Variants in EPCIP observed in about 807,000 individuals in gnomAD.
EPCIP encodes the protein exosomal polycystin 1 interacting protein.
chr21:32,809,285 TTTC>T, the EPCIP span, among the ~76,000 whole-genome samples: 1 of 102,386 alleles, frequency 9.8e-6, no homozygotes, highest in Non-Finnish European at 2.0e-5. Flanking sequence ...CCTTCCTTTC[TTTC>T]TTTCTTTCTT....
the EPCIP span, among the ~76,000 whole-genome samples, chr21:32,805,999 G>A: frequency 2.0e-5 from 3 of 152,238 alleles, no homozygotes; most frequent in Non-Finnish European, 2.9e-5. Context: ...GAAGGAGAGC[G>A]AAGACGATAT....
chr21:32,797,950 A>G, the EPCIP span: 2 of 152,140 alleles, frequency 1.3e-5, no homozygotes, highest in African/African-American at 2.4e-5. Context: ...CCTTCTGGGG[A>G]CAAGATGGTC....
At chr21:32,812,566 GA>G in the EPCIP span, among the ~76,000 whole-genome samples, 2 of 150,694 alleles carry the variant, frequency 1.3e-5, no homozygotes, top group Non-Finnish European at 3.0e-5. Context: ...ATTTCTGTCA[GA>G]AAAAAAAGTA....
chr21:32,797,057 G>A, the EPCIP span: 16 of 468,996 alleles, frequency 3.4e-5, no homozygotes, highest in Non-Finnish European at 4.9e-5. Context: ...GCAACTTCCC[G>A]ACAGTAAGGC....
chr21:32,810,421 ATTTT>A, the EPCIP span, among the ~76,000 whole-genome samples: 2 of 122,610 alleles, frequency 1.6e-5, no homozygotes, highest in Admixed American at 1.6e-4. Flanking sequence ...ATGCCCGGTA[ATTTT>A]TTTTTTTTTT....
chr21:32,803,024 G>A, the EPCIP span, among the ~76,000 whole-genome samples: 2 of 152,190 alleles, frequency 1.3e-5, no homozygotes, highest in African/African-American at 4.8e-5. Context: ...TCAGAGTTAG[G>A]AGCCTCTGGG....
the EPCIP span, among the ~76,000 whole-genome samples, chr21:32,809,146 A>G: frequency 6.7e-6 from 1 of 149,660 alleles, no homozygotes; most frequent in Non-Finnish European, 1.5e-5. Context: ...AAGGAGAGGC[A>G]TCACGGCATG....
chr21:32,791,776 C>A, the EPCIP span, among the ~76,000 whole-genome samples: 1 of 151,908 alleles, frequency 6.6e-6, no homozygotes, highest in African/African-American at 2.4e-5. Flanking sequence ...AAGTCATCAA[C>A]CCCAGGATAT....
At chr21:32,812,263 T>G in the EPCIP span, among the ~76,000 whole-genome samples, 1 of 152,178 alleles carries the variant, frequency 6.6e-6, no homozygotes, top group Non-Finnish European at 1.5e-5. Flanking sequence ...GACACTCAGT[T>G]AATTGCATCA....
chr21:32,807,036 C>T, the EPCIP span, among the ~76,000 whole-genome samples: 41 of 152,272 alleles, frequency 2.7e-4, no homozygotes, highest in African/African-American at 9.6e-4. Context: ...TTATTCACTA[C>T]CACAAGAACG....
the EPCIP span, among the ~76,000 whole-genome samples, chr21:32,807,334 C>CTTTTTTTTTTTTT: frequency 7.7e-6 from 1 of 130,002 alleles, no homozygotes. Flanking sequence ...CCTCTTATGC[C>CTTTTTTTTTTTTT]TTTTTTTTTT....
At chr21:32,809,287 T>C in the EPCIP span, among the ~76,000 whole-genome samples, 3,150 of 111,984 alleles carry the variant, frequency 0.028, 162 homozygotes, top group East Asian at 0.054. Context: ...TTCCTTTCTT[T>C]CTTTCTTTCT....
chr21:32,797,888 T>C, the EPCIP span: 3 of 152,250 alleles, frequency 2.0e-5, no homozygotes, highest in Non-Finnish European at 2.9e-5. Context: ...TGTCTGTCCG[T>C]TCTTCATTTA....
chr21:32,809,316 C>CTTTCTTTCTTTCTTTCTT, the EPCIP span, among the ~76,000 whole-genome samples: 1 of 134,060 alleles, frequency 7.5e-6, no homozygotes. Flanking sequence ...TTCTTTCTTT[C>CTTTCTTTCTTTCTTTCTT]TTTCTTTCTT....
At chr21:32,813,404 T>C in the EPCIP span, among the ~76,000 whole-genome samples, 1,153 of 152,324 alleles carry the variant, frequency 7.6e-3, 18 homozygotes, top group Admixed American at 0.036. Context: ...CCTAAAAAAG[T>C]GTTTCATAGT....
chr21:32,799,363 C>T, the EPCIP span, among the ~76,000 whole-genome samples: 139 of 152,236 alleles, frequency 9.1e-4, 1 homozygote, highest in African/African-American at 2.6e-3. Flanking sequence ...ACTGGAGGGC[C>T]CCTCGATTTT....
chr21:32,797,484 G>C, the EPCIP span: 2 of 160,406 alleles, frequency 1.2e-5, no homozygotes, highest in Non-Finnish European at 2.7e-5. Context: ...CCTGACCTTA[G>C]GGTGATCCAC....
At chr21:32,797,388 A>G in the EPCIP span, 1 of 189,182 alleles carries the variant, frequency 5.3e-6, no homozygotes, top group Non-Finnish European at 1.1e-5. Context: ...AGCTGAGATT[A>G]TAAGCACGCA....
At chr21:32,812,553 C>T in the EPCIP span, among the ~76,000 whole-genome samples, 1 of 151,902 alleles carries the variant, frequency 6.6e-6, no homozygotes, top group Non-Finnish European at 1.5e-5. Context: ...CAGAAAATGC[C>T]CAATTTCTGT....
Sources: allele counts gnomAD v4.1 joint callset (sites outside exome capture counted in the v4.1 genomes callset), GRCh38; gene constraint gnomAD v4.1.1; transcripts MANE v1.5; gene names NCBI Gene and HGNC (gene_info 2026-07-23, HGNC 2026-07-21).